Variants in WNT7B observed in about 807,000 individuals in gnomAD.
WNT7B encodes Wnt family member 7B.
In WNT7B, 19 loss-of-function variants were observed where a neutral mutation model predicts 38.2. That is an observed-to-expected ratio of 0.50 (90% CI 0.35 to 0.73). The LOEUF (loss-of-function observed/expected upper bound fraction) is 0.73, where lower values mean the gene tolerates loss of function less well. Ranked by LOEUF, WNT7B falls within the 30% of genes least tolerant of loss-of-function variation. The pLI, the probability that WNT7B is intolerant of heterozygous loss-of-function variation, is 0.01. For missense variants in WNT7B, 423 were observed against 507.9 expected, an observed-to-expected ratio of 0.83 and a Z score of 1.61; for synonymous variants, 243 against 209.3, an observed-to-expected ratio of 1.16 and a Z score of -1.39.
intron 2 of WNT7B, among the ~76,000 whole-genome samples, chr22:45,934,955 T>A (rs1038547582): frequency 2.0e-5 from 3 of 152,204 alleles, no homozygotes; most frequent in Non-Finnish European, 1.5e-5. Flanking sequence ...ACGTTGCCTG[T>A]GTTGTCTGGT....
intron 2 of WNT7B, among the ~76,000 whole-genome samples, chr22:45,948,106 C>T (rs986962059): frequency 7.9e-5 from 12 of 152,218 alleles, no homozygotes; most frequent in African/African-American, 2.2e-4. Context: ...GCAGGAACAG[C>T]GAGGGACACC....
At chr22:45,931,888 G>C (rs1343862132) in intron 2 of WNT7B, among the ~76,000 whole-genome samples, 1 of 152,160 alleles carries the variant, frequency 6.6e-6, no homozygotes, top group African/African-American at 2.4e-5. Flanking sequence ...GGGAGCATGG[G>C]GGGCCTCGTC....
rs10448581 is a variant in WNT7B at position 45,951,119 on chromosome 22, G to A, written c.72-973C>T. Among the ~76,000 whole-genome samples the A allele has an allele frequency of 1.3e-5, 2 of 151,978 alleles. No homozygotes were observed. The highest frequency in any genetic ancestry group is 6.5e-5 in the Admixed American group (1 of 15,270). On this transcript the variant is annotated intron_variant, in intron 1 of 3. Transcript: ENST00000339464. The surrounding 1 kb of genome is among the most constrained non-coding windows in gnomAD (Gnocchi z 4.8). Reference sequence around the variant, plus strand: ...GAGTTTCGGAGTCTCACTCTGTCGCGCAGGCTGGAGTGCAGTGGTGTGATC... The same window carrying A: ...GAGTTTCGGAGTCTCACTCTGTCGCACAGGCTGGAGTGCAGTGGTGTGATC...
chr22:45,939,629 A>AC (rs1931593267), intron 2 of WNT7B, among the ~76,000 whole-genome samples: 1 of 76,592 alleles, frequency 1.3e-5, no homozygotes, highest in Non-Finnish European at 2.7e-5. Context: ...CCCTGTCTCT[A>AC]CAAACACACA....
In WNT7B at chr22:45,976,684, C is replaced by T; in HGVS notation, c.71G>A (p.Gly24Glu). ...LCFGVLYVKL[G>E]ALSSVVALGA... ...CTGCCCTCGCCCACGGGGTACTCAC[C>T]CGAGCTTCACGTACAGGACGCCAAA... Residue 24 changes from glycine to glutamate, a missense_variant and splice_region_variant, in exon 1 of 4, where the codon GGA (glycine) becomes GAA (glutamate). Physicochemically the swap from Gly to Glu is moderately conservative, Grantham distance 98. This residue lies in a region of WNT7B where 133 missense variants were observed against 179.8 expected (regional missense o/e 0.74). Coordinates refer to ENST00000339464, the MANE Select transcript of WNT7B (RefSeq NM_058238.3). This position sits in a 1 kb window ranked among gnomAD's most constrained non-coding sequence, Gnocchi z 8.5. 6.2e-7 allele frequency: 1 copy of T among 1,608,132 alleles called. No homozygotes were observed. Among genetic ancestry groups the T allele is most frequent in the Non-Finnish European group, 8.5e-7 (1 of 1,176,754 alleles).
intron 3 of WNT7B, among the ~76,000 whole-genome samples, chr22:45,930,858 G>A (rs1931325168): frequency 6.6e-6 from 1 of 152,184 alleles, no homozygotes; most frequent in South Asian, 2.1e-4. Flanking sequence ...CTTCCCTGGG[G>A]GCCGTGAGCA....
chr22:45,929,525 TTTCCACCCACTCATCCTTCCAACCATCC>T (rs1397099794), intron 3 of WNT7B, among the ~76,000 whole-genome samples: 4 of 114,768 alleles, frequency 3.5e-5, no homozygotes, highest in East Asian at 6.2e-4. Context: ...TCCGTCCATC[TTTCCACCCACTCATCCTTCCAACCATCC>T]TTCCACCCAT....
In WNT7B at chr22:45,931,115, T is replaced by C; in HGVS notation, c.553A>G (p.Asn185Asp). The C allele has an allele frequency of 6.3e-7, 1 of 1,583,524 alleles. No individual in the cohort carries two copies. Among genetic ancestry groups the C allele is most frequent in the Non-Finnish European group, 8.6e-7 (1 of 1,166,100 alleles). The part of the protein sequence containing the change: ...NARRLMNLHN[N>D]EAGRKVLEDR... ...CACCCTACCTTCCTGCCGGCCTCAT[T>C]GTTATGCAGGTTCATGAGGCGCCGC... Residue 185 changes from asparagine (N) to aspartate (D), a missense_variant, in exon 3 of 4, where the codon AAT (asparagine) becomes GAT (aspartate). Asn to Asp is a conservative substitution (Grantham distance 23, BLOSUM62 1). This residue lies in a region of WNT7B where 132 missense variants were observed against 113.4 expected (regional missense o/e 1.16). Transcript: ENST00000339464.
chr22:45,933,547 C>G (rs921269216), intron 2 of WNT7B, among the ~76,000 whole-genome samples: 1 of 151,502 alleles, frequency 6.6e-6, no homozygotes, highest in African/African-American at 2.4e-5. Flanking sequence ...AAGAAAGCCT[C>G]AGAAATCTCA....
intron 3 of WNT7B, chr22:45,926,100 T>C (rs1658493041): frequency 3.0e-6 from 3 of 985,310 alleles, no homozygotes; most frequent in African/African-American, 1.7e-5. Flanking sequence ...TAAAGCCTAC[T>C]GGGCCGCTGC....
intron 3 of WNT7B, among the ~76,000 whole-genome samples, chr22:45,927,836 C>T (rs191850436): frequency 5.6e-4 from 85 of 152,252 alleles, no homozygotes; most frequent in Middle Eastern, 3.4e-3. Context: ...GCAGAGGTTG[C>T]GGTGAGCAGA....
Position 45,923,200 on chromosome 22 carries a change from C to T in WNT7B, c.706G>A (p.Val236Met), listed in dbSNP as rs764963691. The change falls in exon 4 of 4, where the codon GTG becomes ATG. Residue 236 changes from valine to methionine, a missense_variant. Physicochemically the swap from Val to Met is conservative, Grantham distance 21. Around this residue, in one of 3 missense-constraint regions of WNT7B, gnomAD observed 158 missense variants for 214.7 expected, o/e 0.74. Transcript: ENST00000339464. ...HLLKEKYNAAVQVEVVRASRL... is the reference protein window; with the variant it reads ...HLLKEKYNAAMQVEVVRASRL... ...CTGGCCCGCACCACCTCCACCTGCA[C>T]GGCCGCGTTGTACTTCTCCTTCAGC... is the stretch of plus-strand genomic sequence containing the variant. The T allele has an allele frequency of 9.3e-6, 15 of 1,613,018 alleles. No homozygotes were observed. The highest frequency in any genetic ancestry group is 1.3e-5 in the Non-Finnish European group (15 of 1,180,018).
intron 1 of WNT7B, among the ~76,000 whole-genome samples, chr22:45,971,280 C>T (rs1351201770): frequency 6.6e-6 from 1 of 152,178 alleles, no homozygotes; most frequent in Non-Finnish European, 1.5e-5. Context: ...GGAGAGCAGG[C>T]TCTGAGGTTT....
intron 1 of WNT7B, among the ~76,000 whole-genome samples, chr22:45,961,211 C>T (rs77657296): frequency 3.3e-5 from 5 of 152,254 alleles, no homozygotes; most frequent in African/African-American, 9.6e-5. Flanking sequence ...GCTGGTGCCC[C>T]GTCCTTTCTC....
chr22:45,959,541 C>T (rs1216383026), intron 1 of WNT7B, among the ~76,000 whole-genome samples: 4 of 152,116 alleles, frequency 2.6e-5, no homozygotes, highest in Admixed American at 6.5e-5. Flanking sequence ...GCTCGTGTCC[C>T]GAGGAGGCCT....
chr22:45,934,639 G>T (rs531935147), intron 2 of WNT7B, among the ~76,000 whole-genome samples: 1 of 152,182 alleles, frequency 6.6e-6, no homozygotes, highest in African/African-American at 2.4e-5. Flanking sequence ...GCAGATCCAC[G>T]GCTGGGTTTG....
chr22:45,925,081 G>T, intron 3 of WNT7B: 1 of 983,676 alleles, frequency 1.0e-6, no homozygotes, highest in Non-Finnish European at 1.2e-6. Context: ...TGGCAGGTGG[G>T]TGCTGGGTGG....
chr22:45,922,803 G>A lies in WNT7B; in HGVS notation c.*53C>T. The A allele has an allele frequency of 1.9e-6, 3 of 1,554,560 alleles. No homozygotes were observed. Among genetic ancestry groups the A allele is most frequent in the Non-Finnish European group, 2.6e-6 (3 of 1,147,784 alleles). Reference sequence around the variant, plus strand: ...AAGGCAGGGAAGGTGAGGAGTGGATGTGCAAAATGCCGCCGGGTTCCAGGG... The same window carrying A: ...AAGGCAGGGAAGGTGAGGAGTGGATATGCAAAATGCCGCCGGGTTCCAGGG... On this transcript the variant is annotated 3_prime_UTR_variant, in exon 4 of 4. Coordinates refer to ENST00000339464, the MANE Select transcript of WNT7B (RefSeq NM_058238.3).
rs570476439 is a variant in WNT7B at position 45,961,809 on chromosome 22, G to A, written c.72-11663C>T. Among the ~76,000 whole-genome samples the A allele has an allele frequency of 1.0e-3, 158 of 152,332 alleles. 1 individual carries two copies. Among genetic ancestry groups the A allele is most frequent in the African/African-American group, 3.7e-3 (154 of 41,570 alleles). On this transcript the variant is annotated intron_variant, in intron 1 of 3. Transcript: ENST00000339464. ...GTGTCCTAAAGAGGTTCGCTTGCTTGCTTGGGTTTGGGGTCCTGTGTTTGA... is the reference window on the plus strand; with the variant it reads ...GTGTCCTAAAGAGGTTCGCTTGCTTACTTGGGTTTGGGGTCCTGTGTTTGA...
Sources: allele counts gnomAD v4.1 joint callset (sites outside exome capture counted in the v4.1 genomes callset), GRCh38; gene constraint gnomAD v4.1.1; regional missense constraint gnomAD v4.1.1; non-coding constraint Gnocchi (gnomAD v3.1); transcripts MANE v1.5; gene names NCBI Gene and HGNC (gene_info 2026-07-23, HGNC 2026-07-21).